The following PCDHA8 variants were observed in gnomAD, a reference collection of about 807,000 sequenced individuals.
PCDHA8 encodes the protein protocadherin alpha-8.
A neutral mutation model predicts 61.8 loss-of-function variants in PCDHA8; 53 were observed. The observed-to-expected ratio is 0.86, with a 90% confidence interval of 0.69 to 1.08. The LOEUF (loss-of-function observed/expected upper bound fraction) is 1.08, where lower values mean the gene tolerates loss of function less well. PCDHA8 is among the 50% of genes least tolerant of loss of function. PCDHA8 has a pLI of 0.00. For synonymous variants in PCDHA8, 618 were observed against 556.6 expected (o/e 1.11, Z -1.55); for missense variants, 1,293 against 1,245.0 (o/e 1.04, Z -0.58).
intron 1 of PCDHA8, among the ~76,000 whole-genome samples, chr5:140,971,546 A>G (rs1236125448): frequency 6.6e-6 from 1 of 152,146 alleles, no homozygotes; most frequent in African/African-American, 2.4e-5. Context: ...TGCCAGATCA[A>G]CCTGTTAAAT....
At chr5:140,949,584 A>T (rs1313706016) in intron 1 of PCDHA8, among the ~76,000 whole-genome samples, 5 of 151,722 alleles carry the variant, frequency 3.3e-5, no homozygotes, top group Admixed American at 6.6e-5. Context: ...CTTTTGTGTG[A>T]TATTAATGTG....
intron 3 of PCDHA8, among the ~76,000 whole-genome samples, chr5:140,984,824 C>T (rs920985683): frequency 6.6e-6 from 1 of 151,980 alleles, no homozygotes; most frequent in African/African-American, 2.4e-5. Flanking sequence ...TCTTAATTAC[C>T]CTTTCTGTAA....
intron 1 of PCDHA8, among the ~76,000 whole-genome samples, chr5:140,953,309 G>A (rs563699783): frequency 1.3e-5 from 2 of 152,220 alleles, no homozygotes; most frequent in East Asian, 1.9e-4. Flanking sequence ...AGAGATGTGG[G>A]AAGAATTTGA....
At chr5:140,881,075 G>A (rs2058577107) in intron 1 of PCDHA8, among the ~76,000 whole-genome samples, 1 of 152,202 alleles carries the variant, frequency 6.6e-6, no homozygotes, top group African/African-American at 2.4e-5. Context: ...AATTATTGGA[G>A]CTATGATATA....
Position 140,857,049 on chromosome 5 carries a change from C to T in PCDHA8, c.2394+13334C>T, listed in dbSNP as rs1390810771. On this transcript the variant is annotated intron_variant, in intron 1 of 3. Coordinates refer to ENST00000531613, the MANE Select transcript of PCDHA8 (RefSeq NM_018911.3). ...AACCCACCTATGGTTGGTCACTGCA[C>T]GGTCCTAGTGGAACTACTGGATGAA... 3.1e-6 allele frequency: 5 copies of T among 1,595,184 alleles called. No homozygotes were observed. In the African/African-American group the frequency reaches 5.4e-5, roughly 17 times the overall value.
intron 1 of PCDHA8, among the ~76,000 whole-genome samples, chr5:140,935,536 G>C (rs2090424655): frequency 6.6e-6 from 1 of 152,104 alleles, no homozygotes; most frequent in Non-Finnish European, 1.5e-5. Context: ...TCAAATTATT[G>C]TGTTTTAAAG....
chr5:140,997,188 G>T (rs948891203), intron 3 of PCDHA8, among the ~76,000 whole-genome samples: 1 of 151,976 alleles, frequency 6.6e-6, no homozygotes, highest in African/African-American at 2.4e-5. Context: ...GACAATTGAT[G>T]AAACTATATT....
intron 1 of PCDHA8, chr5:140,969,111 G>A (rs1554231464): frequency 4.3e-6 from 7 of 1,614,116 alleles, no homozygotes; most frequent in Non-Finnish European, 5.9e-6. Flanking sequence ...ATTGAAGTTC[G>A]AGGGAATGGC....
intron 1 of PCDHA8, among the ~76,000 whole-genome samples, chr5:140,845,925 A>T (rs1435379757): frequency 6.7e-6 from 1 of 149,798 alleles, no homozygotes; most frequent in African/African-American, 2.4e-5. Context: ...ATTTTTGTGT[A>T]AAACTATCTT....
intron 1 of PCDHA8, chr5:140,857,309 G>A: frequency 6.3e-7 from 1 of 1,598,786 alleles, no homozygotes; most frequent in East Asian, 2.2e-5. Flanking sequence ...GTCGGCCTAT[G>A]AGCTGGTGGT....
intron 1 of PCDHA8, among the ~76,000 whole-genome samples, chr5:140,972,920 C>T (rs1343772789): frequency 6.6e-6 from 1 of 152,048 alleles, no homozygotes; most frequent in East Asian, 1.9e-4. Context: ...CCTTGGCCTC[C>T]CAAAGTGCTG....
intron 1 of PCDHA8, among the ~76,000 whole-genome samples, chr5:140,945,071 C>A (rs246061): frequency 0.56 from 85,726 of 151,850 alleles, 24,797 homozygotes; most frequent in African/African-American, 0.69. Context: ...CAGACTCCAC[C>A]AAAACACTCT....
chr5:140,918,621 T>C (rs1162983414), intron 1 of PCDHA8, among the ~76,000 whole-genome samples: 1 of 152,228 alleles, frequency 6.6e-6, no homozygotes, highest in Non-Finnish European at 1.5e-5. Flanking sequence ...AATGTTTGTG[T>C]TCCCCAAATT....
rs1403032733 is a variant in PCDHA8, at chr5:140,841,897, T to C, written c.576T>C (p.Val192=). 2 of 1,613,728 alleles carry C rather than the reference T, an allele frequency of 1.2e-6. No individual in the cohort carries two copies. The highest frequency in any genetic ancestry group is 1.6e-4 in the Middle Eastern group (1 of 6,084). The change falls in exon 1 of 4, where the codon GTT becomes GTC. Residue 192 remains valine (V), a synonymous_variant. Coordinates refer to ENST00000531613, the MANE Select transcript of PCDHA8 (RefSeq NM_018911.3). ...CAAAGAACGATGAGAATAAACTGGT[T>C]GAGCTCGTATTAAGAAAATCCTTGG... ...VNSKNDENKL[V]ELVLRKSLDR...
chr5:140,892,233 C>G (rs1199614913), intron 1 of PCDHA8, among the ~76,000 whole-genome samples: 1 of 152,082 alleles, frequency 6.6e-6, no homozygotes, highest in Non-Finnish European at 1.5e-5. Context: ...TGTTTTGTCT[C>G]CACATAAACC....
At chr5:140,919,217 G>T (rs1427737864) in intron 1 of PCDHA8, among the ~76,000 whole-genome samples, 1 of 152,090 alleles carries the variant, frequency 6.6e-6, no homozygotes, top group Non-Finnish European at 1.5e-5. Context: ...TGTCCTTCTT[G>T]ATTTCTAGTA....
chr5:140,908,399 C>T (rs180728730), intron 1 of PCDHA8, among the ~76,000 whole-genome samples: 51 of 152,258 alleles, frequency 3.3e-4, no homozygotes, highest in African/African-American at 9.9e-4. Flanking sequence ...ACATATATAC[C>T]ACTTCCATTT....
chr5:140,864,059 T>C (rs1371478916), intron 1 of PCDHA8: 1 of 152,732 alleles, frequency 6.5e-6, no homozygotes, highest in Non-Finnish European at 1.5e-5. Flanking sequence ...ACAGTCACCA[T>C]GAACATTCTT....
rs141944056 is a variant in PCDHA8, at chr5:140,857,401, G to A, written c.2394+13686G>A. ...AGGTGGCCGACGTGAACGACAACGCGCCTGCGTTCGCGCAGTCCGAGTACA... is the reference window on the plus strand; with the variant it reads ...AGGTGGCCGACGTGAACGACAACGCACCTGCGTTCGCGCAGTCCGAGTACA... On this transcript the variant is annotated intron_variant, in intron 1 of 3. Transcript: ENST00000531613. The A allele has an allele frequency of 3.2e-3, 5,155 of 1,598,156 alleles. 411 individuals are homozygous for A. The African/African-American group carries it at 0.057, about 18-fold the overall frequency.
Sources: gnomAD v4.1 joint callset for allele counts (sites outside exome capture counted in the v4.1 genomes callset) on GRCh38, gnomAD v4.1.1 for gene constraint, MANE v1.5 for transcripts, NCBI Gene and HGNC (gene_info 2026-07-23, HGNC 2026-07-21) for gene names.